COLEC11: variants seen among roughly 807,000 people sequenced by gnomAD.
The protein encoded by COLEC11 is collectin-11.
A neutral mutation model predicts 27.3 loss-of-function variants in COLEC11; 20 were observed. The ratio of observed to expected loss-of-function variants is 0.73; its 90% CI spans 0.51 to 1.06. The LOEUF (loss-of-function observed/expected upper bound fraction) is 1.06. Ranked by LOEUF, COLEC11 falls within the 50% of genes least tolerant of loss-of-function variation. The pLI is 0.00. For synonymous variants in COLEC11, 163 were observed against 154.7 expected, an observed-to-expected ratio of 1.05 and a Z score of -0.40; for missense variants, 310 against 383.0, an observed-to-expected ratio of 0.81 and a Z score of 1.59.
chr2:3,604,966 T>A lies in COLEC11; in HGVS notation c.130+496T>A, dbSNP rs143972341. On this transcript the variant is annotated intron_variant, in intron 2 of 6. Transcript: ENST00000349077. ...TAGGGGAAAAAAAAAAGACAGGAAC[T>A]TTTTTTTTTCTTGTTGCTTTGTCTG... 1.2e-4 allele frequency: 46 copies of A among 390,108 alleles called. No homozygotes were observed. In the East Asian group the frequency reaches 3.4e-3, roughly 29 times the overall value. The allele number at this position is 390,108 out of a possible 1,614,324, so 24.2% of individuals were successfully genotyped here. A position where few individuals can be genotyped will look rare whatever the true frequency, so the allele number is the denominator to read the frequency against.
At chr2:3,598,393 G>A (rs1296788180) in intron 1 of COLEC11, among the ~76,000 whole-genome samples, 1 of 152,224 alleles carries the variant, frequency 6.6e-6, no homozygotes, top group African/African-American at 2.4e-5. Context: ...CTCTATTTGC[G>A]ATGCAATTGT....
intron 3 of COLEC11, among the ~76,000 whole-genome samples, chr2:3,615,725 G>T (rs1388604473): frequency 6.6e-6 from 1 of 150,404 alleles, no homozygotes; most frequent in African/African-American, 2.4e-5. Flanking sequence ...CTGGGCAGAG[G>T]CGCCCCCCAC....
intron 3 of COLEC11, among the ~76,000 whole-genome samples, chr2:3,634,151 G>A (rs1665215377): frequency 6.6e-6 from 1 of 152,204 alleles, no homozygotes; most frequent in African/African-American, 2.4e-5. Context: ...CACTGCAGGA[G>A]GTGACGGTGC....
At chr2:3,607,695 C>T (rs535863552) in intron 2 of COLEC11, among the ~76,000 whole-genome samples, 21 of 152,268 alleles carry the variant, frequency 1.4e-4, no homozygotes, top group African/African-American at 4.6e-4. Flanking sequence ...GTAATCCACC[C>T]GCTTTGGCTT....
rs115808093 is a variant in COLEC11, at chr2:3,609,224, T to C, written c.131-4087T>C. Among the ~76,000 whole-genome samples, 697 of 152,360 alleles carry C rather than the reference T, an allele frequency of 4.6e-3. 10 individuals carry two copies. Among genetic ancestry groups the C allele is most frequent in the African/African-American group, 0.016 (665 of 41,580 alleles). On this transcript the variant is annotated intron_variant, in intron 2 of 6. Transcript: ENST00000349077. ...CCTCTTCTTTAGAAAGTCTTGCTGTTTTTAATGACTTATGATTCTTTCTCT... is the reference window on the plus strand; with the variant it reads ...CCTCTTCTTTAGAAAGTCTTGCTGTCTTTAATGACTTATGATTCTTTCTCT...
intron 2 of COLEC11, among the ~76,000 whole-genome samples, chr2:3,606,677 G>A (rs946936710): frequency 6.6e-6 from 1 of 152,318 alleles, no homozygotes; most frequent in African/African-American, 2.4e-5. Flanking sequence ...TCAGGTGTCC[G>A]TCCAGCACGT....
chr2:3,615,370 G>GT (rs1663586190), intron 3 of COLEC11, among the ~76,000 whole-genome samples: 2 of 152,212 alleles, frequency 1.3e-5, no homozygotes, highest in African/African-American at 4.8e-5. Flanking sequence ...TCAAGCATCT[G>GT]TTTAACAAAG....
intron 1 of COLEC11, among the ~76,000 whole-genome samples, chr2:3,600,839 G>A (rs961224681): frequency 6.6e-6 from 1 of 152,202 alleles, no homozygotes; most frequent in Non-Finnish European, 1.5e-5. Flanking sequence ...CTGGGCAATG[G>A]GTATATGGAA....
intron 4 of COLEC11, among the ~76,000 whole-genome samples, chr2:3,639,605 A>G (rs1374043319): frequency 7.2e-5 from 11 of 152,256 alleles, no homozygotes; most frequent in East Asian, 1.9e-4. Context: ...ACTTATTTCT[A>G]TTAAGTCACA....
chr2:3,641,467 C>T (rs528120674), intron 5 of COLEC11: 1 of 1,240,908 alleles, frequency 8.1e-7, no homozygotes, highest in Non-Finnish European at 1.0e-6. Flanking sequence ...GGGGACGTCC[C>T]ATCCCGGGGC....
chr2:3,598,004 C>T lies in COLEC11; in HGVS notation c.-27+2836C>T, dbSNP rs150563154. On this transcript the variant is annotated intron_variant, in intron 1 of 6. Transcript: ENST00000349077. ...AGGCTAGAGGGCAGTGGTGTGATCT[C>T]GACTCACTGCAACCTCCACCTCCCG... Among the ~76,000 whole-genome samples the T allele has an allele frequency of 4.3e-3, 649 of 152,022 alleles. 9 individuals are homozygous for T. The highest frequency in any genetic ancestry group is 0.015 in the African/African-American group (610 of 41,454).
intron 1 of COLEC11, among the ~76,000 whole-genome samples, chr2:3,600,274 G>A (rs1212624224): frequency 6.6e-6 from 1 of 151,464 alleles, no homozygotes; most frequent in African/African-American, 2.4e-5. Flanking sequence ...AGCAAGCAAG[G>A]CTGGGCACAG....
At chr2:3,597,872 T>A (rs1158891052) in intron 1 of COLEC11, among the ~76,000 whole-genome samples, 1 of 152,208 alleles carries the variant, frequency 6.6e-6, no homozygotes, top group African/African-American at 2.4e-5. Flanking sequence ...CACGTCTGGC[T>A]ACAAACCTTG....
At chr2:3,621,769 T>C (rs1664204324) in intron 3 of COLEC11, among the ~76,000 whole-genome samples, 1 of 152,246 alleles carries the variant, frequency 6.6e-6, no homozygotes, top group African/African-American at 2.4e-5. Context: ...TAACAGTCTA[T>C]GCTAAACTAA....
chr2:3,612,922 A>C (rs940849112), intron 2 of COLEC11, among the ~76,000 whole-genome samples: 4 of 151,862 alleles, frequency 2.6e-5, no homozygotes, highest in Non-Finnish European at 5.9e-5. Context: ...AAGCTCAGGG[A>C]GAGGTCGGGG....
intron 3 of COLEC11, among the ~76,000 whole-genome samples, chr2:3,615,104 CTT>C (rs1663551989): frequency 1.1e-5 from 1 of 91,970 alleles, no homozygotes; most frequent in African/African-American, 3.2e-5. Flanking sequence ...GAAATATTTT[CTT>C]TCTTTTTTTT....
At chr2:3,612,063 ATGGC>A (rs150165823) in intron 2 of COLEC11, among the ~76,000 whole-genome samples, 8,206 of 151,870 alleles carry the variant, frequency 0.054, 321 homozygotes, top group African/African-American at 0.12. Flanking sequence ...CGGCACCTGG[ATGGC>A]TGGCTGCCCA....
At position 3,644,254 on chromosome 2, in the gene COLEC11, T is replaced by C. The variant is rs370041024; in HGVS notation, c.*136T>C. The C allele has an allele frequency of 9.0e-7, 1 of 1,111,992 alleles. No homozygotes were observed. The highest frequency in any genetic ancestry group is 2.5e-5 in the East Asian group (1 of 40,540). 68.9% of individuals were successfully genotyped at this position (1,111,992 alleles called of 1,614,324 possible). Reference sequence around the variant, plus strand: ...AGGCTCACTGAGTAGAGGGCTGTTGTCTAAACTGAGAAAATGGCCTATGCT... The same window carrying C: ...AGGCTCACTGAGTAGAGGGCTGTTGCCTAAACTGAGAAAATGGCCTATGCT... On this transcript the variant is annotated 3_prime_UTR_variant, in exon 7 of 7. Coordinates refer to ENST00000349077, the MANE Select transcript of COLEC11 (RefSeq NM_024027.5).
rs184201926 is a variant in COLEC11 at position 3,600,051 on chromosome 2, C to T, written c.-26-4264C>T. 2.5e-3 allele frequency among the ~76,000 whole-genome samples: 373 copies of T among 151,810 alleles called. 3 individuals carry two copies. Among genetic ancestry groups the T allele is most frequent in the Admixed American group, 4.4e-3 (67 of 15,242 alleles). On this transcript the variant is annotated intron_variant, in intron 1 of 6. Coordinates refer to ENST00000349077, the MANE Select transcript of COLEC11 (RefSeq NM_024027.5). ...GAGATGGAGACCATTCTAGCCAACA[C>T]GGTGAAACCCCTTCTCTACTAAAAA... is the stretch of plus-strand genomic sequence containing the variant.
Sources: allele counts gnomAD v4.1 joint callset (sites outside exome capture counted in the v4.1 genomes callset), GRCh38; gene constraint gnomAD v4.1.1; transcripts MANE v1.5; gene names NCBI Gene and HGNC (gene_info 2026-07-23, HGNC 2026-07-21).